Variants in ROBO2 observed in about 807,000 individuals in gnomAD.
ROBO2 encodes roundabout guidance receptor 2.
In ROBO2, 53 loss-of-function variants were observed where a neutral mutation model predicts 160.8. The ratio of observed to expected loss-of-function variants is 0.33; its 90% CI spans 0.26 to 0.41. The LOEUF is 0.41. ROBO2 is among the 10% of genes least tolerant of loss of function. The pLI, the probability that ROBO2 is intolerant of heterozygous loss-of-function variation, is 1.00. For missense variants in ROBO2, 1,577 were observed against 1,722.4 expected, an observed-to-expected ratio of 0.92 and a Z score of 1.49; for synonymous variants, 664 against 611.7, an observed-to-expected ratio of 1.09 and a Z score of -1.26.
At chr3:77,515,422 C>T (rs934325099) in intron 5 of ROBO2, among the ~76,000 whole-genome samples, 2 of 151,570 alleles carry the variant, frequency 1.3e-5, no homozygotes, top group African/African-American at 4.8e-5. Flanking sequence ...AAAATGTCCA[C>T]GTTTTAAATT....
At chr3:76,992,591 G>A (rs983532225) in intron 2 of ROBO2, among the ~76,000 whole-genome samples, 4 of 151,490 alleles carry the variant, frequency 2.6e-5, no homozygotes, top group Admixed American at 1.3e-4. Flanking sequence ...TTTCATGGGA[G>A]AGAATTATAT....
intron 2 of ROBO2, among the ~76,000 whole-genome samples, chr3:77,402,342 G>A (rs1248195977): frequency 6.6e-6 from 1 of 152,084 alleles, no homozygotes; most frequent in African/African-American, 2.4e-5. Flanking sequence ...TAGGTGATAG[G>A]TTGATGGGTG....
chr3:77,010,309 G>C (rs1406602207), intron 2 of ROBO2, among the ~76,000 whole-genome samples: 1 of 152,060 alleles, frequency 6.6e-6, no homozygotes, highest in African/African-American at 2.4e-5. Flanking sequence ...CTTTTGCCTG[G>C]ACTGTTACAA....
intron 2 of ROBO2, among the ~76,000 whole-genome samples, chr3:76,979,615 C>T (rs750978240): frequency 3.8e-4 from 55 of 144,942 alleles, no homozygotes; most frequent in Middle Eastern, 3.5e-3. Flanking sequence ...TGTGTGTGTG[C>T]GCAGGTATAT....
intron 7 of ROBO2, among the ~76,000 whole-genome samples, chr3:77,547,329 T>G (rs886120157): frequency 6.6e-6 from 1 of 152,088 alleles, no homozygotes; most frequent in Non-Finnish European, 1.5e-5. Context: ...TCTAGAAACA[T>G]GCACTACTAG....
At chr3:76,196,591 T>C (rs939100399) in intron 2 of ROBO2, among the ~76,000 whole-genome samples, 1 of 152,158 alleles carries the variant, frequency 6.6e-6, no homozygotes, top group African/African-American at 2.4e-5. Flanking sequence ...TGCTGTGAGA[T>C]TTCTCAGAGG....
At chr3:77,632,904 A>T (rs2095195104) in intron 23 of ROBO2, 1 of 322,954 alleles carries the variant, frequency 3.1e-6, no homozygotes, top group African/African-American at 2.1e-5. Context: ...GATTAATTGG[A>T]ATATGCTTCC....
At chr3:77,047,394 C>T (rs1010737020) in intron 1 of ROBO2, among the ~76,000 whole-genome samples, 17 of 151,998 alleles carry the variant, frequency 1.1e-4, no homozygotes, top group South Asian at 8.3e-4. Flanking sequence ...AAAAATATAA[C>T]GATATATAGG....
At chr3:76,334,033 C>T (rs2073691507) in intron 2 of ROBO2, among the ~76,000 whole-genome samples, 1 of 152,080 alleles carries the variant, frequency 6.6e-6, no homozygotes, top group African/African-American at 2.4e-5. Context: ...AGGAGATATA[C>T]CTAATGTAAA....
chr3:76,751,842 C>A lies in ROBO2; in HGVS notation c.110-346172C>A, dbSNP rs543769999. ...AATAGGAACACTTTTACACTGTTGG[C>A]GGGACTGTAAACTAGTTCAACCATT... On this transcript the variant is annotated intron_variant, in intron 2 of 26. Coordinates refer to the ROBO2 transcript ENST00000487694. 5.3e-5 allele frequency among the ~76,000 whole-genome samples: 8 copies of A among 151,678 alleles called. 1 individual carries two copies. The South Asian group carries it at 1.7e-3, about 31-fold the overall frequency.
chr3:77,238,261 C>T (rs1428518780), intron 2 of ROBO2, among the ~76,000 whole-genome samples: 1 of 152,082 alleles, frequency 6.6e-6, no homozygotes, highest in Non-Finnish European at 1.5e-5. Flanking sequence ...TTTTTTATTT[C>T]CTAGATCTTG....
At chr3:76,011,154 C>G (rs561597198) in intron 2 of ROBO2, among the ~76,000 whole-genome samples, 1 of 152,236 alleles carries the variant, frequency 6.6e-6, no homozygotes, top group East Asian at 1.9e-4. Flanking sequence ...TCACATTTAT[C>G]TAATTGTATG....
In ROBO2 at chr3:77,126,507, T is replaced by A. The variant is rs532956834; in HGVS notation, c.388+28167T>A. Among the ~76,000 whole-genome samples, 10 of 152,244 alleles carry A rather than the reference T, an allele frequency of 6.6e-5. 1 individual carries two copies. In the South Asian group the frequency reaches 2.1e-3, roughly 32 times the overall value. On this transcript the variant is annotated intron_variant, in intron 2 of 25. Coordinates refer to ENST00000461745, the Ensembl canonical transcript of ROBO2. ...TTCATATTTTTAGTTGTTTTCTTCT[T>A]GATCATCAAATATATATCGGCTTAT...
chr3:76,218,845 A>G (rs370686118), intron 2 of ROBO2, among the ~76,000 whole-genome samples: 2 of 152,152 alleles, frequency 1.3e-5, no homozygotes, highest in Admixed American at 1.3e-4. Context: ...AAAAGAGCCC[A>G]CATCGCCAAG....
At chr3:76,386,548 G>T (rs754264509) in intron 2 of ROBO2, among the ~76,000 whole-genome samples, 3 of 152,094 alleles carry the variant, frequency 2.0e-5, no homozygotes, top group Admixed American at 6.5e-5. Context: ...AGCCCTTAAA[G>T]GTTGCAAGCC....
chr3:76,592,572 A>G (rs689550), intron 2 of ROBO2, among the ~76,000 whole-genome samples: 160 of 152,172 alleles, frequency 1.1e-3, no homozygotes, highest in Admixed American at 4.3e-3. Context: ...CAAAATACCA[A>G]CGTGTATTCC....
intron 2 of ROBO2, among the ~76,000 whole-genome samples, chr3:76,922,076 C>T (rs1218360856): frequency 6.6e-6 from 1 of 152,108 alleles, no homozygotes; most frequent in Non-Finnish European, 1.5e-5. Context: ...CTTTGGGAGA[C>T]CAAGGCGGGC....
At chr3:76,141,151 CTCTCTCTCTATATA>C (rs1224150121) in intron 2 of ROBO2, among the ~76,000 whole-genome samples, 81 of 44,262 alleles carry the variant, frequency 1.8e-3, no homozygotes, top group African/African-American at 7.4e-3. Flanking sequence ...CTCTCTCTCT[CTCTCTCTCTATATA>C]TATATATATA....
intron 1 of ROBO2, among the ~76,000 whole-genome samples, chr3:77,078,309 A>G (rs1005595499): frequency 1.6e-4 from 24 of 152,222 alleles, no homozygotes; most frequent in African/African-American, 5.5e-4. Context: ...TAGTTGACAC[A>G]TGTTTTCCTG....
Sources: gnomAD v4.1 joint callset for allele counts (sites outside exome capture counted in the v4.1 genomes callset) on GRCh38, gnomAD v4.1.1 for gene constraint, MANE v1.5 for transcripts, NCBI Gene and HGNC (gene_info 2026-07-23, HGNC 2026-07-21) for gene names.